The following CLASRP variants were observed in gnomAD, a reference collection of about 807,000 sequenced individuals.
CLASRP encodes the protein CLK4 associating serine/arginine rich protein, also known as CLK4-associating serine/arginine rich protein.
Under a neutral mutation model 99.9 loss-of-function variants are expected in CLASRP, and 52 were observed. The ratio of observed to expected loss-of-function variants is 0.52; its 90% CI spans 0.42 to 0.66. CLASRP has a LOEUF of 0.66. Among genes scored for constraint, CLASRP ranks in the 30% least tolerant of loss-of-function variants. The probability of loss-of-function intolerance (pLI) is 0.00; values close to 1 mark genes in which losing one functional copy is unlikely to be tolerated. For missense variants in CLASRP, 848 were observed against 999.2 expected (o/e 0.85, Z 2.04); for synonymous variants, 379 against 373.0 (o/e 1.02, Z -0.18).
In CLASRP at chr19:45,047,296, C is replaced by T. The variant is rs557964329; in HGVS notation, c.100-4775C>T. On this transcript the variant is annotated intron_variant, in intron 2 of 20. Coordinates refer to ENST00000221455, the MANE Select transcript of CLASRP (RefSeq NM_007056.3). ...CGCAAAAAGACAGTATTGTATGATC[C>T]GCTGATAAGTATCTAAAATAGTTAA... 4.6e-5 allele frequency among the ~76,000 whole-genome samples: 7 copies of T among 151,628 alleles called. No individual in the cohort carries two copies. In the South Asian group the frequency reaches 1.0e-3, roughly 23 times the overall value.
At chr19:45,062,798 C>A (rs1966971336) in intron 11 of CLASRP, among the ~76,000 whole-genome samples, 2 of 152,194 alleles carry the variant, frequency 1.3e-5, no homozygotes, top group Admixed American at 6.5e-5. Flanking sequence ...GAAATCAAGT[C>A]ACTTTAATCT....
chr19:45,050,862 G>T (rs935505546), intron 2 of CLASRP, among the ~76,000 whole-genome samples: 2 of 151,264 alleles, frequency 1.3e-5, no homozygotes, highest in African/African-American at 2.4e-5. Context: ...GATTACAGGC[G>T]CCTGCCACCA....
chr19:45,040,140 G>T, intron 1 of CLASRP, 44 bp from the exon 2 acceptor site: 3 of 1,094,688 alleles, frequency 2.7e-6, no homozygotes, highest in African/African-American at 1.5e-5. Flanking sequence ...TGCCCATACG[G>T]GTTTCACAGA....
At chr19:45,065,976 G>A (rs1334156323) in intron 13 of CLASRP, among the ~76,000 whole-genome samples, 1 of 152,170 alleles carries the variant, frequency 6.6e-6, no homozygotes, top group Non-Finnish European at 1.5e-5. Flanking sequence ...AAGTAGAGGG[G>A]CCAGGTAGAG....
At chr19:45,052,927 G>T in intron 4 of CLASRP, 35 bp downstream of exon 4, 1 of 1,569,298 alleles carries the variant, frequency 6.4e-7, no homozygotes, top group Non-Finnish European at 8.7e-7. Context: ...CAGGCACAGC[G>T]TCATACCCAG....
At chr19:45,052,684 G>A in intron 3 of CLASRP, 107 bp from the exon 4 acceptor site, 1 of 780,002 alleles carries the variant, frequency 1.3e-6, no homozygotes, top group South Asian at 1.5e-5. Context: ...GACCAAAGCA[G>A]GCTGAGGGCC....
intron 18 of CLASRP, 77 bp from the exon 19 acceptor site, chr19:45,069,945 G>A (rs1397596409): frequency 1.2e-6 from 1 of 814,166 alleles, no homozygotes; most frequent in South Asian, 1.4e-5. Flanking sequence ...TCGGAGTAGG[G>A]TGTTGGAAGC....
At chr19:45,057,713 T>G (rs113116229) in intron 6 of CLASRP, 37 bp from the exon 7 acceptor site, 1 of 1,611,668 alleles carries the variant, frequency 6.2e-7, no homozygotes, top group Non-Finnish European at 8.5e-7. Flanking sequence ...TCATCTCCAC[T>G]GGGCACGGCC....
In CLASRP at chr19:45,045,446, G is replaced by A. The variant is rs184501844; in HGVS notation, c.99+5135G>A. On this transcript the variant is annotated intron_variant, in intron 2 of 20. Transcript: ENST00000221455. ...GTGGGAGAATCTCTTGAACCCAGGA[G>A]GTGGAGGCTGCAGTGAGCTGTGATT... is the stretch of plus-strand genomic sequence containing the variant. Among the ~76,000 whole-genome samples the A allele has an allele frequency of 3.3e-5, 5 of 152,312 alleles. No individual in the cohort carries two copies. The East Asian group carries it at 9.7e-4, about 29-fold the overall frequency.
chr19:45,069,823 G>A (rs978161569), intron 18 of CLASRP, 199 bp from the exon 19 acceptor site: 16 of 570,006 alleles, frequency 2.8e-5, no homozygotes, highest in Non-Finnish European at 4.7e-5. Context: ...GCTTTCCTAG[G>A]AAGGGGCTGG....
chr19:45,050,046 G>A (rs758900182), intron 2 of CLASRP, among the ~76,000 whole-genome samples: 1 of 152,124 alleles, frequency 6.6e-6, no homozygotes, highest in African/African-American at 2.4e-5. Context: ...ATAAGCGGGG[G>A]AGCAGAAGCA....
chr19:45,062,484 T>G (rs1425054212), intron 11 of CLASRP, among the ~76,000 whole-genome samples: 1 of 152,174 alleles, frequency 6.6e-6, no homozygotes, highest in Non-Finnish European at 1.5e-5. Flanking sequence ...TTCACGCCAT[T>G]CTCCTGCCTC....
At chr19:45,043,195 T>TTGTGTGTGTG (rs58669276) in intron 2 of CLASRP, among the ~76,000 whole-genome samples, 1,816 of 134,712 alleles carry the variant, frequency 0.013, 17 homozygotes, top group African/African-American at 0.025. Flanking sequence ...AAGGAATACT[T>TTGTGTGTGTG]TGTGTGTGTG....
At chr19:45,059,618 C>T (rs1373052546) in intron 8 of CLASRP, among the ~76,000 whole-genome samples, 2 of 152,210 alleles carry the variant, frequency 1.3e-5, no homozygotes, top group Non-Finnish European at 2.9e-5. Flanking sequence ...CTCTTCGAAG[C>T]TCTGGGGATT....
At chr19:45,065,932 C>A (rs1182041335) in intron 13 of CLASRP, among the ~76,000 whole-genome samples, 2 of 152,142 alleles carry the variant, frequency 1.3e-5, no homozygotes, top group Admixed American at 1.3e-4. Flanking sequence ...TAGCACTGAT[C>A]GCCATGTCAG....
intron 19 of CLASRP, 59 bp from the exon 20 acceptor site, chr19:45,070,478 A>G: frequency 6.5e-7 from 1 of 1,538,934 alleles, no homozygotes; most frequent in Non-Finnish European, 9.0e-7. Context: ...ACCCCAGGTC[A>G]AGGAAGAGGC....
rs1967037401 is a variant in CLASRP, at chr19:45,064,582, C to T, written c.1361C>T (p.Ser454Phe). The T allele has an allele frequency of 1.9e-6, 3 of 1,542,812 alleles. No individual in the cohort carries two copies. The highest frequency in any genetic ancestry group is 1.2e-5 in the South Asian group (1 of 84,354). ...GGGSRDGHRY[S>F]RSPARRGGYG... ...GGCTCCCGAGACGGACACCGGTACT[C>T]CCGCTCGCCCGCCCGGCGTGGTGGT... Residue 454 changes from serine to phenylalanine, a missense_variant, in exon 13 of 21, where the codon TCC becomes TTC. By Grantham distance (155) the Ser-to-Phe change is radical. Around this residue, in one of 8 missense-constraint regions of CLASRP, gnomAD observed 489 missense variants for 434.7 expected, o/e 1.12. Coordinates refer to ENST00000221455, the MANE Select transcript of CLASRP (RefSeq NM_007056.3).
chr19:45,063,396 G>C (rs1364522269), intron 11 of CLASRP, among the ~76,000 whole-genome samples: 3 of 131,562 alleles, frequency 2.3e-5, no homozygotes, highest in Non-Finnish European at 4.8e-5. Flanking sequence ...TGTATCTTTT[G>C]AGTAAAACTT....
At chr19:45,062,219 G>A in intron 11 of CLASRP, 24 bp downstream of exon 11, 9 of 1,377,152 alleles carry the variant, frequency 6.5e-6, no homozygotes, top group African/African-American at 1.4e-5. Context: ...GAGGACCAGG[G>A]AATAGCAGAC....
Sources: gnomAD v4.1 joint callset for allele counts (sites outside exome capture counted in the v4.1 genomes callset) on GRCh38, gnomAD v4.1.1 for gene constraint, gnomAD v4.1.1 regional missense constraint, MANE v1.5 for transcripts, NCBI Gene and HGNC (gene_info 2026-07-23, HGNC 2026-07-21) for gene names.